CCL4: variants seen among roughly 807,000 people sequenced by gnomAD.
CCL4 encodes the protein C-C motif chemokine 4.
CCL4 carries 8 observed loss-of-function variants against 10.3 expected under a neutral mutation model. The ratio of observed to expected loss-of-function variants is 0.77; its 90% CI spans 0.45 to 1.39. The LOEUF (loss-of-function observed/expected upper bound fraction) is 1.39. CCL4 is among the 40% of genes most tolerant of loss of function. CCL4 has a pLI of 0.00. For synonymous variants in CCL4, 35 were observed against 44.3 expected, an observed-to-expected ratio of 0.79 and a Z score of 0.83; for missense variants, 106 against 111.2, an observed-to-expected ratio of 0.95 and a Z score of 0.21.
At position 36,104,415 on chromosome 17, in the gene CCL4, A is replaced by G; in HGVS notation, c.77-113A>G. The G allele has an allele frequency of 1.7e-6, 2 of 1,171,166 alleles. 1 individual carries two copies. Among genetic ancestry groups the G allele is most frequent in the Non-Finnish European group, 2.5e-6 (2 of 796,054 alleles). The allele number at this position is 1,171,166 out of a possible 1,614,324, so 72.5% of individuals were successfully genotyped here. On this transcript the variant is annotated intron_variant, in intron 1 of 2. Transcript: ENST00000615863. ...TCCTGCTCATGTTAGGTGGGAATGG[A>G]TATTTGGGGTTCTGGTAGCTCCACA...
chr17:36,104,695 TAA>T, intron 2 of CCL4, 53 bp downstream of exon 2: 4 of 1,609,580 alleles, frequency 2.5e-6, no homozygotes, highest in South Asian at 1.1e-5. Context: ...GGCTGGATTT[TAA>T]AAGAGGGCCT....
rs376875441 is a variant in CCL4, at chr17:36,104,563, T to C, written c.112T>C (p.Tyr38His). The C allele has an allele frequency of 2.3e-5, 37 of 1,612,344 alleles. No individual in the cohort carries two copies. The highest frequency in any genetic ancestry group is 3.0e-5 in the Non-Finnish European group (35 of 1,179,752). The change falls in exon 2 of 3, where the codon TAC becomes CAC. Residue 38 changes from tyrosine (Y) to histidine (H), a missense_variant. Tyr to His is a moderately conservative substitution (Grantham distance 83). Coordinates refer to ENST00000615863, the MANE Select transcript of CCL4 (RefSeq NM_002984.4). ...CCCTCCCACCGCCTGCTGCTTTTCT[T>C]ACACCGCGAGGAAGCTTCCTCGCAA... ...SDPPTACCFSYTARKLPRNFV... is the reference protein window; with the variant it reads ...SDPPTACCFSHTARKLPRNFV...
intron 2 of CCL4, 84 bp downstream of exon 2, chr17:36,104,726 T>C (rs572807995): frequency 3.3e-5 from 51 of 1,557,574 alleles, no homozygotes; most frequent in African/African-American, 6.8e-5. Context: ...GAGGGGGTGA[T>C]TGAGCATTGG....
chr17:36,104,394 G>T (rs2067142727), intron 1 of CCL4, 134 bp from the exon 2 acceptor site: 1 of 1,028,780 alleles, frequency 9.7e-7, no homozygotes, highest in Admixed American at 2.0e-5. Flanking sequence ...TAAGACTCCT[G>T]CTCATGTTAG....
Position 36,104,491 on chromosome 17 carries a change from C to T in CCL4, c.77-37C>T, listed in dbSNP as rs1634515. On this transcript the variant is annotated intron_variant, in intron 1 of 2. Transcript: ENST00000615863. ...TAGAAGTCAAAATAAACAGCTCCCA[C>T]GGGCAGTGTTGATCTCACCCTGGCC... 1.6e-3 allele frequency: 2,539 copies of T among 1,603,960 alleles called. 31 individuals carry two copies. In the African/African-American group the frequency reaches 0.027, roughly 17 times the overall value.
At chr17:36,104,799 C>G in intron 2 of CCL4, 157 bp downstream of exon 2, 2 of 966,586 alleles carry the variant, frequency 2.1e-6, no homozygotes, top group African/African-American at 1.6e-5. Context: ...CATGAACTCA[C>G]TTTTCAAGTG....
chr17:36,105,058 G>T, intron 2 of CCL4, 167 bp from the exon 3 acceptor site: 3 of 802,722 alleles, frequency 3.7e-6, no homozygotes, highest in South Asian at 1.4e-5. Context: ...TAAATCCAGT[G>T]GGTGGAAGTT....
Position 36,105,590 on chromosome 17 carries a change from T to A in CCL4, c.*278T>A. 1 of 533,402 alleles carries A rather than the reference T, an allele frequency of 1.9e-6. No individual in the cohort carries two copies. The highest frequency in any genetic ancestry group is 3.2e-5 in the East Asian group (1 of 30,908). The allele number at this position is 533,402 out of a possible 1,614,324, so 33.0% of individuals were successfully genotyped here. A position where few individuals can be genotyped will look rare whatever the true frequency, so the allele number is the denominator to read the frequency against. On this transcript the variant is annotated 3_prime_UTR_variant, in exon 3 of 3. Coordinates refer to ENST00000615863, the MANE Select transcript of CCL4 (RefSeq NM_002984.4). ...ACACATTTGATTCTGTGTGTTTTCA[T>A]AATAAAACTTTAAAATAAAATGCAG... is the stretch of plus-strand genomic sequence containing the variant.
At position 36,104,770 on chromosome 17, in the gene CCL4, G is replaced by C. The variant is rs930192360; in HGVS notation, c.191+128G>C. Reference sequence around the variant, plus strand: ...CTCCCAGGGCTGAAGCCTTCCCTGAGAGCAGTGAGGACACAGGTCATGAAC... The same window carrying C: ...CTCCCAGGGCTGAAGCCTTCCCTGACAGCAGTGAGGACACAGGTCATGAAC... On this transcript the variant is annotated intron_variant, in intron 2 of 2. Transcript: ENST00000615863. 36 of 1,171,798 alleles carry C rather than the reference G, an allele frequency of 3.1e-5. No individual in the cohort carries two copies. In the African/African-American group the frequency reaches 3.2e-4, roughly 10 times the overall value. 72.6% of individuals were successfully genotyped at this position (1,171,798 alleles called of 1,614,324 possible).
In CCL4 at chr17:36,104,500, T is replaced by C; in HGVS notation, c.77-28T>C. On this transcript the variant is annotated intron_variant, in intron 1 of 2. Coordinates refer to ENST00000615863, the MANE Select transcript of CCL4 (RefSeq NM_002984.4). ...AAATAAACAGCTCCCACGGGCAGTG[T>C]TGATCTCACCCTGGCCTTTCCTTTC... 3.1e-6 allele frequency: 5 copies of C among 1,608,576 alleles called. No homozygotes were observed. The South Asian group carries it at 4.4e-5, about 14-fold the overall frequency.
intron 1 of CCL4, 49 bp from the exon 2 acceptor site, chr17:36,104,479 A>T: frequency 6.3e-7 from 1 of 1,585,038 alleles, no homozygotes; most frequent in Non-Finnish European, 8.6e-7. Context: ...AAGTCAAAAT[A>T]AACAGCTCCC....
chr17:36,104,235 A>T, intron 1 of CCL4: 4 of 707,010 alleles, frequency 5.7e-6, no homozygotes, highest in Non-Finnish European at 5.2e-6. Context: ...TCTGCCTTTA[A>T]TTATTTGTTC....
intron 2 of CCL4, 69 bp downstream of exon 2, chr17:36,104,711 T>C (rs773158771): frequency 1.3e-4 from 203 of 1,597,930 alleles, no homozygotes; most frequent in Middle Eastern, 1.7e-4. Flanking sequence ...AGGGCCTGTT[T>C]TGGGGAGGGG....
At chr17:36,104,668 T>G (rs747018463) in intron 2 of CCL4, 26 bp downstream of exon 2, 1 of 1,613,574 alleles carries the variant, frequency 6.2e-7, no homozygotes, top group South Asian at 1.1e-5. Context: ...TGGGCTGCCC[T>G]GGGAGGCAAG....
chr17:36,104,832 C>T (rs560054812), intron 2 of CCL4, 190 bp downstream of exon 2: 5 of 787,440 alleles, frequency 6.3e-6, no homozygotes, highest in East Asian at 5.3e-5. Context: ...GAGTGGGAGC[C>T]GAGAGAGAAG....
chr17:36,104,328 A>G, intron 1 of CCL4, 200 bp from the exon 2 acceptor site: 1 of 720,282 alleles, frequency 1.4e-6, no homozygotes, highest in Non-Finnish European at 2.6e-6. Context: ...GACTGAATCC[A>G]GTTCCAATCT....
chr17:36,104,152 A>G, intron 1 of CCL4, 171 bp downstream of exon 1: 2 of 884,200 alleles, frequency 2.3e-6, no homozygotes, highest in Non-Finnish European at 3.9e-6. Flanking sequence ...ATAACATTCA[A>G]GTTCCTATTT....
At chr17:36,105,151 A>G in intron 2 of CCL4, 74 bp from the exon 3 acceptor site, 1 of 1,456,964 alleles carries the variant, frequency 6.9e-7, no homozygotes. Context: ...CAGGCAGAGG[A>G]AGATGCAAAG....
chr17:36,105,424 C>G lies in CCL4; in HGVS notation c.*112C>G, dbSNP rs1243337116. 1 of 1,063,922 alleles carries G rather than the reference C, an allele frequency of 9.4e-7. No homozygotes were observed. The highest frequency in any genetic ancestry group is 1.6e-5 in the African/African-American group (1 of 64,054). The allele number at this position is 1,063,922 out of a possible 1,614,324, so 65.9% of individuals were successfully genotyped here. ...CCTCTCCGCAGTTCCTGTCCCTTCT[C>G]TTAATTTAATCTTTTTTATGTGCCG... On this transcript the variant is annotated 3_prime_UTR_variant, in exon 3 of 3. Transcript: ENST00000615863.
Sources: gnomAD v4.1 joint callset for allele counts on GRCh38, gnomAD v4.1.1 for gene constraint, MANE v1.5 for transcripts, NCBI Gene and HGNC (gene_info 2026-07-23, HGNC 2026-07-21) for gene names.